BACH2: variants seen among roughly 807,000 people sequenced by gnomAD.
BACH2 encodes the protein BACH transcriptional regulator 2.
Under a neutral mutation model 61.8 loss-of-function variants are expected in BACH2, and 5 were observed. That is an observed-to-expected ratio of 0.08 (90% confidence interval 0.04 to 0.17). BACH2 has a LOEUF of 0.17. Among genes scored for constraint, BACH2 ranks in the 10% least tolerant of loss-of-function variants. The probability of loss-of-function intolerance (pLI) is 1.00; values close to 1 mark genes in which losing one functional copy is unlikely to be tolerated. For synonymous variants in BACH2, 446 were observed against 440.1 expected (o/e 1.01, Z -0.17); for missense variants, 824 against 1,091.1 (o/e 0.76, Z 3.45).
At chr6:90,233,515 C>T (rs897598154) in intron 3 of BACH2, among the ~76,000 whole-genome samples, 19 of 152,156 alleles carry the variant, frequency 1.2e-4, no homozygotes, top group African/African-American at 4.6e-4. Context: ...CCTTTAATGG[C>T]TATATGACCC....
intron 6 of BACH2, chr6:90,001,595 G>C (rs1777136765): frequency 6.6e-6 from 1 of 152,162 alleles, no homozygotes; most frequent in Admixed American, 6.5e-5. Context: ...GATTTTGCTG[G>C]CTCTCTTCCA....
chr6:90,296,147 T>A (rs574440273), intron 1 of BACH2, among the ~76,000 whole-genome samples: 5 of 152,008 alleles, frequency 3.3e-5, no homozygotes, highest in Middle Eastern at 3.4e-3. Context: ...CCTGACTTAT[T>A]ACTCTCTGCT....
chr6:90,099,196 C>T (rs1349101144), intron 4 of BACH2, among the ~76,000 whole-genome samples: 1 of 152,198 alleles, frequency 6.6e-6, no homozygotes, highest in Non-Finnish European at 1.5e-5. Flanking sequence ...GGTCGTGCCA[C>T]TCTCTGTTCA....
chr6:90,293,916 G>T (rs78718578), intron 1 of BACH2, among the ~76,000 whole-genome samples: 1 of 152,284 alleles, frequency 6.6e-6, no homozygotes, highest in African/African-American at 2.4e-5. Context: ...TACTGGAAAA[G>T]AATTGCCTGA....
intron 4 of BACH2, among the ~76,000 whole-genome samples, chr6:90,165,045 T>C (rs1767560811): frequency 6.6e-6 from 1 of 152,162 alleles, no homozygotes; most frequent in Non-Finnish European, 1.5e-5. Flanking sequence ...TTCAACATAG[T>C]GTTGGAAGTT....
At chr6:90,176,608 G>C (rs1319433691) in intron 4 of BACH2, among the ~76,000 whole-genome samples, 1 of 152,012 alleles carries the variant, frequency 6.6e-6, no homozygotes, top group Non-Finnish European at 1.5e-5. Context: ...CAGAAAAGAG[G>C]GGCCCATCCA....
chr6:90,226,697 A>AT (rs573637485), intron 3 of BACH2, among the ~76,000 whole-genome samples: 92 of 147,908 alleles, frequency 6.2e-4, no homozygotes, highest in East Asian at 2.6e-3. Context: ...AGTCCTTAGA[A>AT]TTTTTTTTTT....
At chr6:89,972,602 TA>T (rs1775428729) in intron 6 of BACH2, among the ~76,000 whole-genome samples, 1 of 152,118 alleles carries the variant, frequency 6.6e-6, no homozygotes, top group African/African-American at 2.4e-5. Flanking sequence ...TTCAGAGTCA[TA>T]AATTTTGGAG....
intron 5 of BACH2, among the ~76,000 whole-genome samples, chr6:90,038,139 A>G (rs896344583): frequency 6.6e-6 from 1 of 152,214 alleles, no homozygotes; most frequent in African/African-American, 2.4e-5. Context: ...AACTAGAACA[A>G]CCTTAAAGAA....
intron 5 of BACH2, among the ~76,000 whole-genome samples, chr6:90,043,461 C>T (rs9451330): frequency 0.44 from 66,754 of 151,662 alleles, 17,353 homozygotes; most frequent in East Asian, 0.82. Context: ...TTTTCCTCTT[C>T]CCCCTTTCCT....
chr6:90,129,327 A>T (rs1052518372), intron 4 of BACH2, among the ~76,000 whole-genome samples: 1 of 152,084 alleles, frequency 6.6e-6, no homozygotes, highest in Non-Finnish European at 1.5e-5. Context: ...TCTCTGTCAC[A>T]TATTTCTTTT....
chr6:89,959,359 A>G (rs1774614968), intron 6 of BACH2, among the ~76,000 whole-genome samples: 1 of 152,138 alleles, frequency 6.6e-6, no homozygotes, highest in African/African-American at 2.4e-5. Flanking sequence ...CATGATAGAG[A>G]GTCATGACTT....
At position 90,268,321 on chromosome 6, in the gene BACH2, T is replaced by A. The variant is rs141100902; in HGVS notation, c.-353+3528A>T. Among the ~76,000 whole-genome samples, 677 of 152,296 alleles carry A rather than the reference T, an allele frequency of 4.4e-3. 1 individual carries two copies. Among genetic ancestry groups the A allele is most frequent in the African/African-American group, 0.015 (633 of 41,552 alleles). ...GTACCCGAACTGCACTTGCCTTTTA[T>A]ACATGCAAGAAATGTGAAGGGGACA... On this transcript the variant is annotated intron_variant, in intron 2 of 8. Transcript: ENST00000257749.
At chr6:90,296,161 C>T (rs1410864235) in intron 1 of BACH2, among the ~76,000 whole-genome samples, 2 of 152,140 alleles carry the variant, frequency 1.3e-5, no homozygotes, top group Non-Finnish European at 2.9e-5. Context: ...CTCTGCTCCT[C>T]CTCCCTCTGC....
At chr6:90,014,438 GTGTA>G (rs1247889124) in intron 5 of BACH2, among the ~76,000 whole-genome samples, 148 of 73,142 alleles carry the variant, frequency 2.0e-3, no homozygotes, top group Admixed American at 4.6e-3. Flanking sequence ...GTGTGTGTGT[GTGTA>G]TATATATATA....
At position 90,023,291 on chromosome 6, in the gene BACH2, A is replaced by G. The variant is rs180923429; in HGVS notation, c.-12-14435T>C. On this transcript the variant is annotated intron_variant, in intron 5 of 8. Coordinates refer to ENST00000257749, the MANE Select transcript of BACH2 (RefSeq NM_021813.4). Reference sequence around the variant, plus strand: ...GCCTGGTGGGAGGTGACTGGATCATAGGGGAGGTTTCTCGTGGTTTAACAC... The same window carrying G: ...GCCTGGTGGGAGGTGACTGGATCATGGGGGAGGTTTCTCGTGGTTTAACAC... Among the ~76,000 whole-genome samples, 1,465 of 151,744 alleles carry G rather than the reference A, an allele frequency of 9.7e-3. 5 individuals carry two copies. The highest frequency in any genetic ancestry group is 0.028 in the Middle Eastern group (8 of 290).
At position 90,071,741 on chromosome 6, in the gene BACH2, T is replaced by C. The variant is rs1436131681; in HGVS notation, c.-13+17220A>G. ...CACTTCTGACTCTTCCAAAACTTAA[T>C]AGCCGGCTGTTGGCTGAAAGCCTCA... On this transcript the variant is annotated intron_variant, in intron 5 of 8. Coordinates refer to ENST00000257749, the MANE Select transcript of BACH2 (RefSeq NM_021813.4). 5.3e-5 allele frequency among the ~76,000 whole-genome samples: 8 copies of C among 152,250 alleles called. No individual in the cohort carries two copies. In the East Asian group the frequency reaches 1.5e-3, roughly 29 times the overall value.
At chr6:90,192,710 T>C (rs1768617263) in intron 4 of BACH2, among the ~76,000 whole-genome samples, 1 of 152,368 alleles carries the variant, frequency 6.6e-6, no homozygotes, top group South Asian at 2.1e-4. Flanking sequence ...TGGATTTCAC[T>C]AGTTTCACAA....
intron 5 of BACH2, among the ~76,000 whole-genome samples, chr6:90,036,212 G>A (rs1779255522): frequency 6.7e-6 from 1 of 150,242 alleles, no homozygotes; most frequent in Admixed American, 6.7e-5. Flanking sequence ...TCATATGGTA[G>A]GACACCACAC....
Sources: allele counts gnomAD v4.1 joint callset (sites outside exome capture counted in the v4.1 genomes callset), GRCh38; gene constraint gnomAD v4.1.1; transcripts MANE v1.5; gene names NCBI Gene and HGNC (gene_info 2026-07-23, HGNC 2026-07-21).